Variants in CKAP5 observed in about 807,000 individuals in gnomAD.
CKAP5 encodes the protein cytoskeleton associated protein 5.
CKAP5 carries 27 observed loss-of-function variants against 232.8 expected under a neutral mutation model. The ratio of observed to expected loss-of-function variants is 0.12; its 90% confidence interval spans 0.09 to 0.16. The LOEUF (loss-of-function observed/expected upper bound fraction) is 0.16, where lower values mean the gene tolerates loss of function less well. CKAP5 is among the 10% of genes least tolerant of loss of function. The pLI, the probability that CKAP5 is intolerant of heterozygous loss-of-function variation, is 1.00. For synonymous variants in CKAP5, 785 were observed against 841.1 expected (o/e 0.93, Z 1.16); for missense variants, 1,838 against 2,424.7 (o/e 0.76, Z 5.08).
intron 13 of CKAP5, among the ~76,000 whole-genome samples, chr11:46,795,146 T>A (rs949406791): frequency 1.3e-4 from 20 of 152,010 alleles, no homozygotes; most frequent in African/African-American, 4.6e-4. Flanking sequence ...CTGGCCAACA[T>A]GGCAAATTCC....
Position 46,751,167 on chromosome 11 carries a change from T to G in CKAP5, c.5411A>C (p.Gln1804Pro). Residue 1804 changes from glutamine to proline, a missense_variant, in exon 40 of 44, where the codon CAG becomes CCG. Coordinates refer to ENST00000529230, the MANE Select transcript of CKAP5 (RefSeq NM_001008938.4). Reference protein sequence around the residue: ...LCRMMKHSMDQTGSKSDKETE... With the variant: ...LCRMMKHSMDPTGSKSDKETE... ...TTCCTTATCAGACTTGCTCCCAGTCTGGTCCATACTGTGCTTCATCATCCG... is the reference window on the plus strand; with the variant it reads ...TTCCTTATCAGACTTGCTCCCAGTCGGGTCCATACTGTGCTTCATCATCCG... 1.2e-6 allele frequency: 2 copies of G among 1,614,234 alleles called. No homozygotes were observed. Among genetic ancestry groups the G allele is most frequent in the Non-Finnish European group, 1.7e-6 (2 of 1,180,040 alleles).
chr11:46,788,312 C>T (rs527910179), intron 16 of CKAP5, among the ~76,000 whole-genome samples: 27 of 152,364 alleles, frequency 1.8e-4, no homozygotes, highest in African/African-American at 6.5e-4. Flanking sequence ...CGGTGGCTCA[C>T]GCCCGTAATC....
intron 3 of CKAP5, among the ~76,000 whole-genome samples, chr11:46,817,814 TTGTTTAGTAAGCATTACC>T (rs1939438742): frequency 6.6e-6 from 1 of 152,076 alleles, no homozygotes. Flanking sequence ...GTCACTGAGG[TTGTTTAGTAAGCATTACC>T]TCCCCCAAGA....
At chr11:46,809,915 C>T (rs1041401793) in intron 5 of CKAP5, 41 bp from the exon 6 acceptor site, 3 of 1,560,424 alleles carry the variant, frequency 1.9e-6, no homozygotes, top group Non-Finnish European at 2.6e-6. Flanking sequence ...TCTGCATCTC[C>T]ACCATTAGTT....
intron 16 of CKAP5, among the ~76,000 whole-genome samples, chr11:46,786,511 T>C (rs990240040): frequency 6.6e-6 from 1 of 152,246 alleles, no homozygotes; most frequent in Non-Finnish European, 1.5e-5. Context: ...CCAGGGATTT[T>C]GTTGAAAACA....
At chr11:46,773,241 T>C (rs1053937170) in intron 24 of CKAP5, among the ~76,000 whole-genome samples, 10 of 152,128 alleles carry the variant, frequency 6.6e-5, no homozygotes, top group South Asian at 4.1e-4. Flanking sequence ...TGATGGATTT[T>C]TGAATGTTCT....
rs191528324 is a variant in CKAP5 at position 46,774,962 on chromosome 11, A to G, written c.2991+1293T>C. Reference sequence around the variant, plus strand: ...CGTGACTAAAACACCAAAAGCAATCACAACAAAAGCCAAAATTGACAAATG... The same window carrying G: ...CGTGACTAAAACACCAAAAGCAATCGCAACAAAAGCCAAAATTGACAAATG... On this transcript the variant is annotated intron_variant, in intron 24 of 43. Coordinates refer to ENST00000529230, the MANE Select transcript of CKAP5 (RefSeq NM_001008938.4). 2.8e-3 allele frequency among the ~76,000 whole-genome samples: 420 copies of G among 152,274 alleles called. 2 individuals are homozygous for G. Among genetic ancestry groups the G allele is most frequent in the African/African-American group, 9.6e-3 (398 of 41,572 alleles).
intron 1 of CKAP5, among the ~76,000 whole-genome samples, chr11:46,829,670 T>A (rs1221511823): frequency 2.6e-5 from 4 of 152,192 alleles, no homozygotes; most frequent in Non-Finnish European, 5.9e-5. Flanking sequence ...CAGTAGGCTA[T>A]TAGTAAAGTT....
chr11:46,834,519 C>CAAAAA (rs35792132), intron 1 of CKAP5, among the ~76,000 whole-genome samples: 12 of 53,490 alleles, frequency 2.2e-4, no homozygotes, highest in Non-Finnish European at 3.0e-4. Context: ...AACTCCATCT[C>CAAAAA]AAAAAAAAAA....
chr11:46,809,383 G>T lies in CKAP5; in HGVS notation c.864+17C>A, dbSNP rs763597858. Reference sequence around the variant, plus strand: ...ATTTTACAAGAAATAAATGAAAGAAGTTTAACTATTACTTACAATTTTGTC... The same window carrying T: ...ATTTTACAAGAAATAAATGAAAGAATTTTAACTATTACTTACAATTTTGTC... On this transcript the variant is annotated intron_variant, in intron 7 of 43. Transcript: ENST00000529230. 1.3e-5 allele frequency: 19 copies of T among 1,444,896 alleles called. No individual in the cohort carries two copies. The highest frequency in any genetic ancestry group is 3.5e-4 in the Middle Eastern group (2 of 5,710). The allele number at this position is 1,444,896 out of a possible 1,614,324, so 89.5% of individuals were successfully genotyped here.
intron 32 of CKAP5, among the ~76,000 whole-genome samples, chr11:46,761,040 G>C (rs1015046706): frequency 6.6e-6 from 1 of 152,132 alleles, no homozygotes; most frequent in African/African-American, 2.4e-5. Flanking sequence ...CTTGAGCCCA[G>C]GAGTTTGACA....
intron 42 of CKAP5, among the ~76,000 whole-genome samples, chr11:46,747,096 C>T (rs2065028170): frequency 6.6e-6 from 1 of 152,102 alleles, no homozygotes; most frequent in East Asian, 1.9e-4. Context: ...GAGATCGTCA[C>T]TGCATTCCAG....
intron 1 of CKAP5, among the ~76,000 whole-genome samples, chr11:46,837,968 G>T (rs985626953): frequency 6.6e-6 from 1 of 152,046 alleles, no homozygotes; most frequent in Non-Finnish European, 1.5e-5. Context: ...TATAGAAAAG[G>T]AGGGGAAAAA....
intron 16 of CKAP5, among the ~76,000 whole-genome samples, chr11:46,786,818 C>G (rs1565735159): frequency 6.6e-6 from 1 of 152,130 alleles, no homozygotes. Context: ...AGCGCGCACA[C>G]ACACACAAAC....
intron 1 of CKAP5, among the ~76,000 whole-genome samples, chr11:46,823,450 C>T (rs1248392563): frequency 3.3e-5 from 5 of 151,978 alleles, no homozygotes; most frequent in Non-Finnish European, 5.9e-5. Context: ...GGCATAATCC[C>T]CTTACAACAT....
chr11:46,781,040 T>C (rs935830163), intron 18 of CKAP5, among the ~76,000 whole-genome samples: 4 of 152,196 alleles, frequency 2.6e-5, no homozygotes, highest in Non-Finnish European at 5.9e-5. Context: ...CAGATTCACA[T>C]CATCCAGCTG....
At chr11:46,819,258 A>G (rs1349141396) in intron 2 of CKAP5, among the ~76,000 whole-genome samples, 1 of 151,800 alleles carries the variant, frequency 6.6e-6, no homozygotes, top group Non-Finnish European at 1.5e-5. Context: ...AAAAGGGGAG[A>G]CAGAACATTC....
intron 2 of CKAP5, chr11:46,820,943 C>CCA (rs1326105357): frequency 2.1e-6 from 1 of 475,612 alleles, no homozygotes; most frequent in Admixed American, 3.8e-5. Flanking sequence ...TTCATAGATA[C>CCA]CACTTACTTT....
chr11:46,787,775 A>G (rs2065408733), intron 16 of CKAP5, among the ~76,000 whole-genome samples: 2 of 152,216 alleles, frequency 1.3e-5, no homozygotes, highest in African/African-American at 4.8e-5. Flanking sequence ...ACACATATAA[A>G]TTCCTAATTA....
Sources: gnomAD v4.1 joint callset for allele counts (sites outside exome capture counted in the v4.1 genomes callset) on GRCh38, gnomAD v4.1.1 for gene constraint, MANE v1.5 for transcripts, NCBI Gene and HGNC (gene_info 2026-07-23, HGNC 2026-07-21) for gene names.